ANKRD36: variants seen among roughly 807,000 people sequenced by gnomAD.
The protein encoded by ANKRD36 is ankyrin repeat domain-containing protein 36A.
Under a neutral mutation model 278.1 loss-of-function variants are expected in ANKRD36, and 179 were observed. The observed-to-expected ratio is 0.64, with a 90% CI of 0.57 to 0.73. The LOEUF is 0.73. Ranked by LOEUF, ANKRD36 falls within the 30% of genes least tolerant of loss-of-function variation. The pLI is 0.00. For missense variants in ANKRD36, 1,159 were observed against 1,956.7 expected (o/e 0.59, Z 7.69); for synonymous variants, 320 against 641.1 (o/e 0.50, Z 7.57).
chr2:97,187,494 G>GGGGGGGGGGGGGGGGT, intron 32 of ANKRD36, 93 bp downstream of exon 32: 4 of 95,518 alleles, frequency 4.2e-5, no homozygotes, highest in Non-Finnish European at 8.6e-5. Context: ...GGGTGGGGGG[G>GGGGGGGGGGGGGGGGT]CTCGCCGAAG....
At chr2:97,144,257 A>G (rs893610266) in intron 8 of ANKRD36, among the ~76,000 whole-genome samples, 4 of 152,230 alleles carry the variant, frequency 2.6e-5, no homozygotes, top group Non-Finnish European at 4.4e-5. Context: ...ACATTGATAT[A>G]GACACTGTTT....
At position 97,158,587 on chromosome 2, in the gene ANKRD36, G is replaced by A; in HGVS notation, c.1322-1G>A. 1 of 1,535,924 alleles carries A rather than the reference G, an allele frequency of 6.5e-7. No homozygotes were observed. The highest frequency in any genetic ancestry group is 1.2e-5 in the South Asian group (1 of 83,922). On this transcript the variant is annotated splice_acceptor_variant, in intron 16 of 75. Transcript: ENST00000420699. LOFTEE classifies it high-confidence loss of function. ...TACTCTTGACTTTGTTTTTACTGTA[G>A]TAGATGCTGCATGTGGCATTGACAA...
At chr2:97,199,053 T>G (rs1272721427) in intron 44 of ANKRD36, among the ~76,000 whole-genome samples, 1 of 151,908 alleles carries the variant, frequency 6.6e-6, no homozygotes, top group Non-Finnish European at 1.5e-5. Context: ...TAACAACCCG[T>G]AGACACTGTA....
intron 42 of ANKRD36, among the ~76,000 whole-genome samples, chr2:97,197,625 G>A (rs1412905288): frequency 6.6e-6 from 1 of 151,934 alleles, no homozygotes; most frequent in Non-Finnish European, 1.5e-5. Context: ...ATTTTAGAAA[G>A]AAAAATTATG....
At chr2:97,188,457 G>C (rs1357135626) in intron 32 of ANKRD36, among the ~76,000 whole-genome samples, 1 of 151,706 alleles carries the variant, frequency 6.6e-6, no homozygotes, top group East Asian at 2.0e-4. Flanking sequence ...TTTTCGGAAG[G>C]CTAAACTAGT....
chr2:97,192,947 A>G, intron 37 of ANKRD36, 34 bp from the exon 38 acceptor site: 1 of 1,588,032 alleles, frequency 6.3e-7, no homozygotes. Flanking sequence ...AACATACTTT[A>G]TTAATTTATT....
At position 97,187,586 on chromosome 2, in the gene ANKRD36, A is replaced by G. The variant is rs368169149; in HGVS notation, c.2143+185A>G. On this transcript the variant is annotated intron_variant, in intron 32 of 75. Coordinates refer to ENST00000420699, the MANE Select transcript of ANKRD36 (RefSeq NM_001354587.1). ...GACGCTAATGCTGCTGGCTTGGAACATGATCTTCGCAGTAAGATTATACAC... is the reference window on the plus strand; with the variant it reads ...GACGCTAATGCTGCTGGCTTGGAACGTGATCTTCGCAGTAAGATTATACAC... Among the ~76,000 whole-genome samples, 55 of 151,440 alleles carry G rather than the reference A, an allele frequency of 3.6e-4. 1 individual carries two copies. The highest frequency in any genetic ancestry group is 2.5e-3 in the East Asian group (12 of 4,888).
intron 22 of ANKRD36, among the ~76,000 whole-genome samples, chr2:97,173,460 T>C: frequency 6.6e-6 from 1 of 151,846 alleles, no homozygotes; most frequent in East Asian, 1.9e-4. Flanking sequence ...ATGGGGCTGC[T>C]TTTGTGAAGA....
intron 75 of ANKRD36, among the ~76,000 whole-genome samples, chr2:97,262,784 T>A (rs1481391354): frequency 1.5e-5 from 2 of 130,426 alleles, no homozygotes; most frequent in Non-Finnish European, 3.1e-5. Context: ...CTCCCGTCTC[T>A]TCTACCTCTC....
chr2:97,132,904 A>G (rs942141900), intron 6 of ANKRD36, among the ~76,000 whole-genome samples: 1 of 152,098 alleles, frequency 6.6e-6, no homozygotes, highest in Admixed American at 6.6e-5. Context: ...GAGTCTGACT[A>G]GAGACTTACA....
rs531117129 is a variant in ANKRD36, at chr2:97,206,630, A to G, written c.3163+495A>G. Reference sequence around the variant, plus strand: ...AAGGTGTGAAAAGAAGAAGTCATTTATATAATTTTGGGGTTTCTGCTGAGG... The same window carrying G: ...AAGGTGTGAAAAGAAGAAGTCATTTGTATAATTTTGGGGTTTCTGCTGAGG... On this transcript the variant is annotated intron_variant, in intron 52 of 75. Coordinates refer to ENST00000420699, the MANE Select transcript of ANKRD36 (RefSeq NM_001354587.1). Among the ~76,000 whole-genome samples, 14 of 151,392 alleles carry G rather than the reference A, an allele frequency of 9.2e-5. 1 individual carries two copies. The highest frequency in any genetic ancestry group is 2.9e-4 in the African/African-American group (12 of 41,300).
chr2:97,174,991 G>A (rs2053806821), intron 22 of ANKRD36, among the ~76,000 whole-genome samples: 1 of 142,468 alleles, frequency 7.0e-6, no homozygotes, highest in Non-Finnish European at 1.6e-5. Flanking sequence ...TGATCATGGT[G>A]GATAAGCTTT....
chr2:97,137,535 C>T (rs1368033829), intron 6 of ANKRD36, among the ~76,000 whole-genome samples: 1 of 151,804 alleles, frequency 6.6e-6, no homozygotes, highest in East Asian at 1.9e-4. Flanking sequence ...GATACTTCTG[C>T]CTCAGCCTTC....
chr2:97,185,029 T>A (rs2057093370), intron 28 of ANKRD36, among the ~76,000 whole-genome samples: 1 of 151,836 alleles, frequency 6.6e-6, no homozygotes. Context: ...TAGATCACTT[T>A]TGTCCTCATC....
intron 6 of ANKRD36, among the ~76,000 whole-genome samples, chr2:97,131,588 C>T (rs1295190112): frequency 2.0e-5 from 3 of 152,072 alleles, no homozygotes; most frequent in Non-Finnish European, 4.4e-5. Context: ...GTGGATAACT[C>T]ATCCTACATT....
intron 75 of ANKRD36, among the ~76,000 whole-genome samples, chr2:97,260,145 G>T (rs1380318635): frequency 1.4e-5 from 1 of 73,714 alleles, no homozygotes; most frequent in African/African-American, 6.2e-5. Context: ...AATTTGCCTT[G>T]TGCAGATACA....
intron 13 of ANKRD36, among the ~76,000 whole-genome samples, chr2:97,152,193 A>C (rs1453756124): frequency 6.8e-6 from 1 of 146,942 alleles, no homozygotes; most frequent in African/African-American, 2.4e-5. Context: ...GAGTTTCACC[A>C]TGTTGTCCAG....
chr2:97,193,189 A>G (rs890517759), intron 38 of ANKRD36, 136 bp downstream of exon 38: 3 of 942,966 alleles, frequency 3.2e-6, no homozygotes, highest in Non-Finnish European at 4.6e-6. Context: ...ATTTCAAATA[A>G]GTTCTTGGGT....
intron 22 of ANKRD36, among the ~76,000 whole-genome samples, chr2:97,175,986 G>C (rs1326661722): frequency 7.9e-5 from 12 of 152,032 alleles, no homozygotes; most frequent in African/African-American, 2.4e-4. Flanking sequence ...TGTGGTCTGA[G>C]AGATAGTTTG....
Sources: gnomAD v4.1 joint callset for allele counts (sites outside exome capture counted in the v4.1 genomes callset) on GRCh38, gnomAD v4.1.1 for gene constraint, MANE v1.5 for transcripts, NCBI Gene and HGNC (gene_info 2026-07-23, HGNC 2026-07-21) for gene names.